The following KCTD6 variants were observed in gnomAD, a reference collection of about 807,000 sequenced individuals.
KCTD6 encodes the protein BTB/POZ domain-containing protein KCTD6.
Under a neutral mutation model 18.7 loss-of-function variants are expected in KCTD6, and 6 were observed. The ratio of observed to expected loss-of-function variants is 0.32; its 90% CI spans 0.18 to 0.63. KCTD6 has a LOEUF of 0.63. KCTD6 is among the 30% of genes least tolerant of loss of function. KCTD6 has a pLI of 0.79. For missense variants in KCTD6, 165 were observed against 300.2 expected (o/e 0.55, Z 3.33); for synonymous variants, 86 against 108.5 (o/e 0.79, Z 1.29).
At position 58,492,303 on chromosome 3, in the gene KCTD6, C is replaced by A. The variant is rs1410808333; in HGVS notation, c.-44+134C>A. 1 of 149,330 alleles carries A rather than the reference C, an allele frequency of 6.7e-6. No individual in the cohort carries two copies. Among genetic ancestry groups the A allele is most frequent in the East Asian group, 2.0e-4 (1 of 5,096 alleles). The allele number at this position is 149,330 out of a possible 1,614,324, so 9.3% of individuals were successfully genotyped here. On this transcript the variant is annotated intron_variant, in intron 1 of 2. Coordinates refer to ENST00000404589, the MANE Select transcript of KCTD6 (RefSeq NM_001128214.2). The surrounding 1 kb of genome is among the most constrained non-coding windows in gnomAD (Gnocchi z 6.1). ...GGGGGCTCCTGGAACGGGGCGGCGG[C>A]GGGGCCGCGTTGAGGGGACCGCGCG...
rs2063177065 is a variant in KCTD6, at chr3:58,496,795, A to G, written c.-43-1918A>G. Reference sequence around the variant, plus strand: ...CTTTCTGTGTGTCCGCATTGCACATAGGCACCCCCTCCACTCCATAGGTGA... The same window carrying G: ...CTTTCTGTGTGTCCGCATTGCACATGGGCACCCCCTCCACTCCATAGGTGA... On this transcript the variant is annotated intron_variant, in intron 1 of 2. Transcript: ENST00000404589. The surrounding 1 kb of genome is among the most constrained non-coding windows in gnomAD (Gnocchi z 5.1). Among the ~76,000 whole-genome samples the G allele has an allele frequency of 6.6e-6, 1 of 152,174 alleles. No homozygotes were observed. Among genetic ancestry groups the G allele is most frequent in the Non-Finnish European group, 1.5e-5 (1 of 68,030 alleles).
chr3:58,495,486 T>C (rs1046508126), intron 1 of KCTD6, among the ~76,000 whole-genome samples: 1 of 142,952 alleles, frequency 7.0e-6, no homozygotes, highest in Non-Finnish European at 1.5e-5. Flanking sequence ...ATCCAGCTAT[T>C]GGATAACAGG....
chr3:58,501,815 C>T lies in KCTD6; in HGVS notation c.*183C>T. ...ACTCCTCCATGTTTTGTTCCCTTCC[C>T]CCTGAGTATGCATGTGCCTGTTCAG... On this transcript the variant is annotated 3_prime_UTR_variant, in exon 3 of 3. Coordinates refer to ENST00000404589, the MANE Select transcript of KCTD6 (RefSeq NM_001128214.2). The surrounding 1 kb of genome is among the most constrained non-coding windows in gnomAD (Gnocchi z 9.7). 2.5e-6 allele frequency: 1 copy of T among 401,264 alleles called. No individual in the cohort carries two copies. Among genetic ancestry groups the T allele is most frequent in the African/African-American group, 2.1e-5 (1 of 48,588 alleles). The allele number at this position is 401,264 out of a possible 1,614,324, so 24.9% of individuals were successfully genotyped here.
chr3:58,498,964 T>C lies in KCTD6; in HGVS notation c.27+182T>C, dbSNP rs1327047693. Reference sequence around the variant, plus strand: ...GGCGTTTTTGTCTTGTGTGGTGTTTTTTAAATTTTTATTTAATTTTTTTTA... The same window carrying C: ...GGCGTTTTTGTCTTGTGTGGTGTTTCTTAAATTTTTATTTAATTTTTTTTA... On this transcript the variant is annotated intron_variant, in intron 2 of 2. Transcript: ENST00000404589. The surrounding 1 kb of genome is among the most constrained non-coding windows in gnomAD (Gnocchi z 4.6). Among the ~76,000 whole-genome samples, 1 of 152,180 alleles carries C rather than the reference T, an allele frequency of 6.6e-6. No individual in the cohort carries two copies. The highest frequency in any genetic ancestry group is 1.5e-5 in the Non-Finnish European group (1 of 68,028).
Position 58,493,001 on chromosome 3 carries a change from G to T in KCTD6, c.-44+832G>T, listed in dbSNP as rs1228477666. On this transcript the variant is annotated intron_variant, in intron 1 of 2. Transcript: ENST00000404589. The surrounding 1 kb of genome is among the most constrained non-coding windows in gnomAD (Gnocchi z 4.5). ...ACCTGGGATGACCCGGCTCGGCTAA[G>T]AATATTTGGGGTAGCCTAAGTATCT... Among the ~76,000 whole-genome samples the T allele has an allele frequency of 2.0e-5, 3 of 152,216 alleles. No homozygotes were observed. The highest frequency in any genetic ancestry group is 2.0e-4 in the Admixed American group (3 of 15,282).
In KCTD6 at chr3:58,501,757, T is replaced by A; in HGVS notation, c.*125T>A. On this transcript the variant is annotated 3_prime_UTR_variant, in exon 3 of 3. Transcript: ENST00000404589. The surrounding 1 kb of genome is among the most constrained non-coding windows in gnomAD (Gnocchi z 9.7). Reference sequence around the variant, plus strand: ...AATAGTTGTATTTATTTGAAGGCAGTGAGGACCAGAAGGAAGTTTTGTGCT... The same window carrying A: ...AATAGTTGTATTTATTTGAAGGCAGAGAGGACCAGAAGGAAGTTTTGTGCT... 1 of 628,482 alleles carries A rather than the reference T, an allele frequency of 1.6e-6. No homozygotes were observed. The highest frequency in any genetic ancestry group is 2.4e-6 in the Non-Finnish European group (1 of 424,452). 38.9% of individuals were successfully genotyped at this position (628,482 alleles called of 1,614,324 possible). A position where few individuals can be genotyped will look rare whatever the true frequency, so the allele number is the denominator to read the frequency against.
chr3:58,496,784 G>T lies in KCTD6; in HGVS notation c.-43-1929G>T, dbSNP rs558765288. ...GTCTTTTTCCTCTTTCTGTGTGTCCGCATTGCACATAGGCACCCCCTCCAC... is the reference window on the plus strand; with the variant it reads ...GTCTTTTTCCTCTTTCTGTGTGTCCTCATTGCACATAGGCACCCCCTCCAC... On this transcript the variant is annotated intron_variant, in intron 1 of 2. Transcript: ENST00000404589. This position sits in a 1 kb window ranked among gnomAD's most constrained non-coding sequence, Gnocchi z 5.1. 3.6e-4 allele frequency among the ~76,000 whole-genome samples: 55 copies of T among 152,250 alleles called. No homozygotes were observed. The highest frequency in any genetic ancestry group is 1.3e-3 in the African/African-American group (54 of 41,554).
chr3:58,494,399 A>G (rs1203663101), intron 1 of KCTD6: 2 of 152,204 alleles, frequency 1.3e-5, no homozygotes, highest in African/African-American at 4.8e-5. Flanking sequence ...AATACAAGGC[A>G]ATTTTGAAGG....
rs540699951 is a variant in KCTD6 at position 58,496,368 on chromosome 3, T to C, written c.-43-2345T>C. Among the ~76,000 whole-genome samples, 11 of 152,334 alleles carry C rather than the reference T, an allele frequency of 7.2e-5. No homozygotes were observed. The East Asian group carries it at 1.3e-3, about 19-fold the overall frequency. Reference sequence around the variant, plus strand: ...AAGAGTCAGAACATGCAAGTTCTTATCTAGTTACTTCCCAGCTGTGGCGCC... The same window carrying C: ...AAGAGTCAGAACATGCAAGTTCTTACCTAGTTACTTCCCAGCTGTGGCGCC... On this transcript the variant is annotated intron_variant, in intron 1 of 2. Coordinates refer to ENST00000404589, the MANE Select transcript of KCTD6 (RefSeq NM_001128214.2). This position sits in a 1 kb window ranked among gnomAD's most constrained non-coding sequence, Gnocchi z 5.1.
In KCTD6 at chr3:58,493,021, G is replaced by A. The variant is rs1389562716; in HGVS notation, c.-44+852G>A. Among the ~76,000 whole-genome samples, 3 of 152,202 alleles carry A rather than the reference G, an allele frequency of 2.0e-5. No individual in the cohort carries two copies. The highest frequency in any genetic ancestry group is 7.2e-5 in the African/African-American group (3 of 41,448). On this transcript the variant is annotated intron_variant, in intron 1 of 2. Coordinates refer to ENST00000404589, the MANE Select transcript of KCTD6 (RefSeq NM_001128214.2). The surrounding 1 kb of genome is among the most constrained non-coding windows in gnomAD (Gnocchi z 4.5). ...GCTAAGAATATTTGGGGTAGCCTAA[G>A]TATCTCTTCTATATCCCCCTGGCAT...
intron 1 of KCTD6, among the ~76,000 whole-genome samples, chr3:58,495,977 G>A (rs1427145232): frequency 1.3e-5 from 2 of 151,684 alleles, no homozygotes; most frequent in African/African-American, 2.4e-5. Context: ...TTTCGTTAAC[G>A]GCTGCAACAT....
Position 58,498,644 on chromosome 3 carries a change from GA to G in KCTD6, c.-43-64del. On this transcript the variant is annotated intron_variant, in intron 1 of 2. Transcript: ENST00000404589. The surrounding 1 kb of genome is among the most constrained non-coding windows in gnomAD (Gnocchi z 4.6). ...GGTGTTTGGCCTCCTCTGTTGGGTG[GA>G]AAAAGACTTTCTTCTCTATTTTCCT... 1 of 877,302 alleles carries G rather than the reference GA, an allele frequency of 1.1e-6. No individual in the cohort carries two copies. Among genetic ancestry groups the G allele is most frequent in the East Asian group, 2.4e-5 (1 of 40,910 alleles). 54.3% of individuals were successfully genotyped at this position (877,302 alleles called of 1,614,324 possible).
chr3:58,494,394 A>G (rs1441269635), intron 1 of KCTD6: 1 of 152,208 alleles, frequency 6.6e-6, no homozygotes, highest in Non-Finnish European at 1.5e-5. Context: ...AACTCAATAC[A>G]AGGCAATTTT....
chr3:58,492,402 C>T lies in KCTD6; in HGVS notation c.-44+233C>T, dbSNP rs1288435355. 6.6e-6 allele frequency among the ~76,000 whole-genome samples: 1 copy of T among 150,758 alleles called. No homozygotes were observed. The highest frequency in any genetic ancestry group is 1.5e-5 in the Non-Finnish European group (1 of 67,606). ...GGCGGGGGTTCCGGGGCCCGCCCGGCGGGGATGCGCGGTTTCTGCGGGCCC... is the reference window on the plus strand; with the variant it reads ...GGCGGGGGTTCCGGGGCCCGCCCGGTGGGGATGCGCGGTTTCTGCGGGCCC... On this transcript the variant is annotated intron_variant, in intron 1 of 2. Transcript: ENST00000404589. This position sits in a 1 kb window ranked among gnomAD's most constrained non-coding sequence, Gnocchi z 6.1.
chr3:58,493,642 T>C lies in KCTD6; in HGVS notation c.-44+1473T>C, dbSNP rs1000890251. ...TGGGAAAAGGAGGACCTGGGGAGATTTGAAGCAAATTAAGAGGCTGCCTCC... is the reference window on the plus strand; with the variant it reads ...TGGGAAAAGGAGGACCTGGGGAGATCTGAAGCAAATTAAGAGGCTGCCTCC... On this transcript the variant is annotated intron_variant, in intron 1 of 2. Transcript: ENST00000404589. This position sits in a 1 kb window ranked among gnomAD's most constrained non-coding sequence, Gnocchi z 4.5. 6.6e-6 allele frequency among the ~76,000 whole-genome samples: 1 copy of C among 152,194 alleles called. No individual in the cohort carries two copies. The highest frequency in any genetic ancestry group is 1.5e-5 in the Non-Finnish European group (1 of 68,038).
In KCTD6 at chr3:58,497,781, G is replaced by C. The variant is rs2063185891; in HGVS notation, c.-43-932G>C. ...TTTCTATTTGTTTTAATTGTACAAAGAGAAATACATCATTATTTAAAAGCA... is the reference window on the plus strand; with the variant it reads ...TTTCTATTTGTTTTAATTGTACAAACAGAAATACATCATTATTTAAAAGCA... On this transcript the variant is annotated intron_variant, in intron 1 of 2. Coordinates refer to ENST00000404589, the MANE Select transcript of KCTD6 (RefSeq NM_001128214.2). This position sits in a 1 kb window ranked among gnomAD's most constrained non-coding sequence, Gnocchi z 4.2. The C allele has an allele frequency of 6.6e-6, 1 of 151,848 alleles. No homozygotes were observed. Among genetic ancestry groups the C allele is most frequent in the South Asian group, 2.1e-4 (1 of 4,812 alleles). The allele number at this position is 151,848 out of a possible 1,614,324, so 9.4% of individuals were successfully genotyped here.
intron 1 of KCTD6, chr3:58,494,026 G>A (rs181065651): frequency 2.0e-5 from 3 of 152,294 alleles, no homozygotes; most frequent in African/African-American, 7.2e-5. Flanking sequence ...CCCGTTTTGG[G>A]AAGGTGGTAT....
In KCTD6 at chr3:58,498,605, C is replaced by A; in HGVS notation, c.-43-108C>A. 1 of 697,454 alleles carries A rather than the reference C, an allele frequency of 1.4e-6. No homozygotes were observed. Among genetic ancestry groups the A allele is most frequent in the Non-Finnish European group, 2.6e-6 (1 of 391,014 alleles). The allele number at this position is 697,454 out of a possible 1,614,324, so 43.2% of individuals were successfully genotyped here. The stretch of plus-strand genomic sequence containing the variant: ...GTAGTAGGTTTCAGCTGAGCAAGGA[C>A]GAGTAGTTTTTCTGGTGTTTGGCCT... On this transcript the variant is annotated intron_variant, in intron 1 of 2. Transcript: ENST00000404589. This position sits in a 1 kb window ranked among gnomAD's most constrained non-coding sequence, Gnocchi z 4.6.
At chr3:58,499,841 A>AT (rs1227857224) in intron 2 of KCTD6, among the ~76,000 whole-genome samples, 3 of 151,358 alleles carry the variant, frequency 2.0e-5, no homozygotes, top group Admixed American at 6.6e-5. Context: ...CACCTGGCCT[A>AT]TTTTTTTCGT....
Sources: allele counts gnomAD v4.1 joint callset (sites outside exome capture counted in the v4.1 genomes callset), GRCh38; gene constraint gnomAD v4.1.1; non-coding constraint Gnocchi (gnomAD v3.1); transcripts MANE v1.5; gene names NCBI Gene and HGNC (gene_info 2026-07-23, HGNC 2026-07-21).